Variants in SMYD3 observed in about 807,000 individuals in gnomAD.
The protein encoded by SMYD3 is SET and MYND domain containing 3.
In SMYD3, 36 loss-of-function variants were observed where a neutral mutation model predicts 57.7. The observed-to-expected ratio is 0.62, with a 90% confidence interval of 0.48 to 0.82. SMYD3 has a LOEUF of 0.82. SMYD3 is among the 40% of genes least tolerant of loss of function. SMYD3 has a pLI of 0.00. For missense variants in SMYD3, 515 were observed against 538.8 expected (o/e 0.96, Z 0.44); for synonymous variants, 211 against 195.0 (o/e 1.08, Z -0.68).
At chr1:245,757,617 G>C (rs1404550956) in intron 11 of SMYD3, among the ~76,000 whole-genome samples, 2 of 152,080 alleles carry the variant, frequency 1.3e-5, no homozygotes, top group African/African-American at 4.8e-5. Flanking sequence ...TGTTAAGAAA[G>C]GGTCTAACTT....
chr1:246,157,782 T>C (rs533392626), intron 5 of SMYD3, among the ~76,000 whole-genome samples: 22 of 152,172 alleles, frequency 1.4e-4, no homozygotes, highest in Non-Finnish European at 2.9e-4. Context: ...AACCAGACCA[T>C]ATATTATGGG....
chr1:246,294,715 C>T, intron 5 of SMYD3, among the ~76,000 whole-genome samples: 1 of 152,086 alleles, frequency 6.6e-6, no homozygotes, highest in East Asian at 1.9e-4. Context: ...TCTCCTGCCT[C>T]AGTCTCCCAA....
intron 5 of SMYD3, among the ~76,000 whole-genome samples, chr1:246,154,506 C>CT (rs2148170726): frequency 6.6e-6 from 1 of 152,294 alleles, no homozygotes. Flanking sequence ...CTCCTAGTTT[C>CT]TTTTAATAGA....
chr1:245,767,464 G>T (rs74706526), intron 10 of SMYD3, among the ~76,000 whole-genome samples: 5,042 of 152,270 alleles, frequency 0.033, 266 homozygotes, highest in African/African-American at 0.11. Context: ...CCTGACCAGG[G>T]CACAGTCCTG....
chr1:246,099,946 G>C (rs2060980061), intron 5 of SMYD3, among the ~76,000 whole-genome samples: 1 of 152,186 alleles, frequency 6.6e-6, no homozygotes, highest in Non-Finnish European at 1.5e-5. Flanking sequence ...GGAAAAACTG[G>C]AGTGGGCGAT....
intron 5 of SMYD3, among the ~76,000 whole-genome samples, chr1:246,062,337 C>G (rs1165862088): frequency 2.6e-5 from 4 of 152,164 alleles, no homozygotes; most frequent in East Asian, 3.9e-4. Flanking sequence ...GAAAAAACAT[C>G]CATCAGGAGT....
At chr1:245,932,945 T>C (rs1458799833) in intron 5 of SMYD3, among the ~76,000 whole-genome samples, 1 of 152,202 alleles carries the variant, frequency 6.6e-6, no homozygotes, top group African/African-American at 2.4e-5. Context: ...ACTCTCACTT[T>C]TATTTAAAAT....
chr1:245,905,487 C>T (rs2054498614), intron 8 of SMYD3, among the ~76,000 whole-genome samples: 1 of 152,180 alleles, frequency 6.6e-6, no homozygotes, highest in Non-Finnish European at 1.5e-5. Flanking sequence ...GGGTGAGGCT[C>T]CTGTGCCTTT....
At chr1:246,443,290 G>A (rs1351007523) in intron 1 of SMYD3, among the ~76,000 whole-genome samples, 3 of 152,100 alleles carry the variant, frequency 2.0e-5, no homozygotes, top group East Asian at 1.9e-4. Context: ...CAAGTACAGC[G>A]TTACATTCAC....
At chr1:245,916,188 A>G (rs1357812455) in intron 7 of SMYD3, among the ~76,000 whole-genome samples, 1 of 152,192 alleles carries the variant, frequency 6.6e-6, no homozygotes, top group South Asian at 2.1e-4. Context: ...ATAATTTCCA[A>G]ATAGGGGAGA....
At chr1:246,415,825 T>C (rs544594320) in intron 1 of SMYD3, among the ~76,000 whole-genome samples, 83 of 152,328 alleles carry the variant, frequency 5.4e-4, no homozygotes, top group African/African-American at 1.9e-3. Context: ...CTAGTCTATA[T>C]AGTTTATTTA....
At position 245,981,739 on chromosome 1, in the gene SMYD3, T is replaced by G. The variant is rs150516387; in HGVS notation, c.532-51802A>C. On this transcript the variant is annotated intron_variant, in intron 5 of 11. Transcript: ENST00000490107. ...CTTTAATGTTAATACTGAAAGCATGTGTAAGTTCTGGCTCCAATAAAGTTG... is the reference window on the plus strand; with the variant it reads ...CTTTAATGTTAATACTGAAAGCATGGGTAAGTTCTGGCTCCAATAAAGTTG... Among the ~76,000 whole-genome samples the G allele has an allele frequency of 4.6e-5, 7 of 152,390 alleles. No individual in the cohort carries two copies. The East Asian group carries it at 1.3e-3, about 29-fold the overall frequency.
chr1:246,311,868 T>C (rs1044380160), intron 5 of SMYD3, among the ~76,000 whole-genome samples: 1 of 152,204 alleles, frequency 6.6e-6, no homozygotes, highest in Non-Finnish European at 1.5e-5. Flanking sequence ...TTTGCTAATG[T>C]CATAGCAACA....
At chr1:246,401,112 C>G (rs1203231090) in intron 1 of SMYD3, among the ~76,000 whole-genome samples, 1 of 152,140 alleles carries the variant, frequency 6.6e-6, no homozygotes, top group Admixed American at 6.5e-5. Flanking sequence ...TGATCACTTT[C>G]AAAGCAAAGC....
At chr1:246,025,181 A>C (rs1490244101) in intron 5 of SMYD3, among the ~76,000 whole-genome samples, 1 of 142,874 alleles carries the variant, frequency 7.0e-6, no homozygotes, top group Non-Finnish European at 1.5e-5. Context: ...GAGATACAGG[A>C]AGTAGACAGC....
chr1:246,439,129 T>C (rs2067426558), intron 1 of SMYD3, among the ~76,000 whole-genome samples: 1 of 151,762 alleles, frequency 6.6e-6, no homozygotes, highest in Non-Finnish European at 1.5e-5. Context: ...CCCAATTTTT[T>C]ATTTTTATTT....
intron 1 of SMYD3, among the ~76,000 whole-genome samples, chr1:246,499,081 C>T (rs1201702192): frequency 3.9e-5 from 6 of 151,904 alleles, no homozygotes; most frequent in African/African-American, 1.2e-4. Context: ...AGGTGTAAGC[C>T]ACCACTTGAT....
At chr1:246,032,062 CCTT>C (rs1431239188) in intron 5 of SMYD3, among the ~76,000 whole-genome samples, 2 of 151,678 alleles carry the variant, frequency 1.3e-5, no homozygotes, top group African/African-American at 4.9e-5. Flanking sequence ...CTTAATAAAA[CCTT>C]CTCCTTTTTA....
intron 10 of SMYD3, among the ~76,000 whole-genome samples, chr1:245,810,808 T>C (rs1333183686): frequency 6.6e-6 from 1 of 152,120 alleles, no homozygotes; most frequent in East Asian, 1.9e-4. Flanking sequence ...CAAATTGAAA[T>C]ATGGGCACGA....
Sources: allele counts gnomAD v4.1 joint callset (sites outside exome capture counted in the v4.1 genomes callset), GRCh38; gene constraint gnomAD v4.1.1; transcripts MANE v1.5; gene names NCBI Gene and HGNC (gene_info 2026-07-23, HGNC 2026-07-21).